The following MMP20 variants were observed in gnomAD, a reference collection of about 807,000 sequenced individuals.
MMP20 encodes matrix metallopeptidase 20.
Under a neutral mutation model 51.8 loss-of-function variants are expected in MMP20, and 50 were observed. The ratio of observed to expected loss-of-function variants is 0.97; its 90% CI spans 0.77 to 1.22. The LOEUF is 1.22. MMP20 is among the 50% of genes most tolerant of loss of function. The probability of loss-of-function intolerance (pLI) is 0.00; values close to 1 mark genes in which losing one functional copy is unlikely to be tolerated. For missense variants in MMP20, 663 were observed against 601.4 expected (o/e 1.10, Z -1.07); for synonymous variants, 244 against 216.2 (o/e 1.13, Z -1.13).
At chr11:102,587,011 A>AT in intron 8 of MMP20, among the ~76,000 whole-genome samples, 1 of 151,194 alleles carries the variant, frequency 6.6e-6, no homozygotes, top group African/African-American at 2.4e-5. Flanking sequence ...TATGTTCTTG[A>AT]TTTTCCATTA....
rs150684118 is a variant in MMP20 at position 102,582,698 on chromosome 11, A to G, written c.1248-3556T>C. On this transcript the variant is annotated intron_variant, in intron 8 of 9. Transcript: ENST00000260228. ...TCTGGGACAAATAATTTGTAACAAC[A>G]TAGAAAAATATGTATCCTATAGTAT... Among the ~76,000 whole-genome samples, 697 of 152,328 alleles carry G rather than the reference A, an allele frequency of 4.6e-3. 4 individuals are homozygous for G. The highest frequency in any genetic ancestry group is 0.016 in the African/African-American group (658 of 41,580).
rs1281510114 is a variant in MMP20, at chr11:102,609,990, A to G, written c.564T>C (p.Thr188=). 6.2e-7 allele frequency: 1 copy of G among 1,614,184 alleles called. No individual in the cohort carries two copies. The highest frequency in any genetic ancestry group is 1.7e-5 in the Admixed American group (1 of 60,016). ...DSYPFDGPRG[T]LAHAFAPGEG... Reference sequence around the variant, plus strand: ...CTCCAGGAGCAAATGCATGGGCTAGAGTCCCCCGAGGCCCATCGAATGGAT... The same window carrying G: ...CTCCAGGAGCAAATGCATGGGCTAGGGTCCCCCGAGGCCCATCGAATGGAT... The change falls in exon 4 of 10, where the codon ACT becomes ACC. Residue 188 remains threonine (T), a synonymous_variant. Transcript: ENST00000260228.
At chr11:102,616,290 C>G (rs1859669170) in intron 2 of MMP20, among the ~76,000 whole-genome samples, 1 of 152,150 alleles carries the variant, frequency 6.6e-6, no homozygotes, top group Non-Finnish European at 1.5e-5. Context: ...TATGCTTTTG[C>G]ACTTTTCACA....
intron 8 of MMP20, among the ~76,000 whole-genome samples, chr11:102,584,502 C>T (rs754798004): frequency 7.9e-5 from 12 of 152,060 alleles, no homozygotes; most frequent in Non-Finnish European, 1.0e-4. Context: ...ATTGAATAGT[C>T]GTTTATATAT....
At chr11:102,581,657 C>T (rs1323595320) in intron 8 of MMP20, among the ~76,000 whole-genome samples, 1 of 152,188 alleles carries the variant, frequency 6.6e-6, no homozygotes, top group Non-Finnish European at 1.5e-5. Context: ...TGAAATACAG[C>T]TTCAGATGGA....
intron 1 of MMP20, among the ~76,000 whole-genome samples, chr11:102,624,251 T>C (rs1457716923): frequency 6.6e-6 from 1 of 152,194 alleles, no homozygotes; most frequent in Non-Finnish European, 1.5e-5. Context: ...AGATGTGCTG[T>C]AATGTTGGCA....
chr11:102,616,235 G>C (rs1378651285), intron 2 of MMP20, among the ~76,000 whole-genome samples: 1 of 152,130 alleles, frequency 6.6e-6, no homozygotes, highest in Non-Finnish European at 1.5e-5. Context: ...CCACTTGGTA[G>C]CTCTGTCCAT....
chr11:102,594,591 A>G, intron 7 of MMP20, 30 bp downstream of exon 7: 8 of 1,612,750 alleles, frequency 5.0e-6, no homozygotes, highest in African/African-American at 1.3e-5. Flanking sequence ...CAGCCCTGCC[A>G]TTTCTTTCTT....
At position 102,594,731 on chromosome 11, in the gene MMP20, A is replaced by C; in HGVS notation, c.980T>G (p.Leu327Trp). The change falls in exon 7 of 10, where the codon TTG (leucine) becomes TGG (tryptophan). Residue 327 changes from leucine (L) to tryptophan (W), a missense_variant. By Grantham distance (61) the Leu-to-Trp change is moderately conservative. Transcript: ENST00000260228. The part of the protein sequence containing the change: ...DRIFWRRQVH[L>W]RTGIRPSTIT... Reference sequence around the variant, plus strand: ...AGTGCTGGGCCGAATTCCTGTCCGCAAGTGAACCTGCCGTCTCCAGAAAAT... The same window carrying C: ...AGTGCTGGGCCGAATTCCTGTCCGCCAGTGAACCTGCCGTCTCCAGAAAAT... The C allele has an allele frequency of 6.2e-7, 1 of 1,610,676 alleles. No individual in the cohort carries two copies.
chr11:102,585,834 A>T (rs1161755417), intron 8 of MMP20, among the ~76,000 whole-genome samples: 1 of 152,110 alleles, frequency 6.6e-6, no homozygotes, highest in Non-Finnish European at 1.5e-5. Flanking sequence ...AATAATGTTG[A>T]ATTTTGCCAA....
intron 9 of MMP20, among the ~76,000 whole-genome samples, 180 bp downstream of exon 9, chr11:102,578,859 G>T (rs1859159898): frequency 1.3e-5 from 2 of 152,038 alleles, no homozygotes; most frequent in Non-Finnish European, 2.9e-5. Context: ...TAAAATACCA[G>T]AACTTTTACA....
chr11:102,594,907 T>G (rs1447907805), intron 6 of MMP20, 150 bp from the exon 7 acceptor site: 2 of 816,318 alleles, frequency 2.5e-6, no homozygotes, highest in African/African-American at 6.6e-5. Flanking sequence ...TTTTCTCTTT[T>G]CTTTTTTTTT....
At chr11:102,578,485 G>C (rs539711200) in intron 9 of MMP20, among the ~76,000 whole-genome samples, 36 of 152,262 alleles carry the variant, frequency 2.4e-4, no homozygotes, top group African/African-American at 8.7e-4. Flanking sequence ...GACCCCGGTA[G>C]ACTTTATGAT....
At chr11:102,581,707 C>T (rs1297260719) in intron 8 of MMP20, among the ~76,000 whole-genome samples, 1 of 152,110 alleles carries the variant, frequency 6.6e-6, no homozygotes, top group African/African-American at 2.4e-5. Context: ...CATGTAACCC[C>T]TCAGAGACAC....
chr11:102,589,243 G>A (rs1859288362), intron 8 of MMP20, among the ~76,000 whole-genome samples: 1 of 152,092 alleles, frequency 6.6e-6, no homozygotes, highest in South Asian at 2.1e-4. Flanking sequence ...CTGCCTGGAA[G>A]CCACCCACCC....
chr11:102,590,604 A>G (rs370189517), intron 8 of MMP20, among the ~76,000 whole-genome samples: 3 of 152,346 alleles, frequency 2.0e-5, no homozygotes, highest in East Asian at 3.9e-4. Flanking sequence ...TTCCCTTGGC[A>G]CATTACTTAC....
chr11:102,624,417 T>C (rs1859791514), intron 1 of MMP20, among the ~76,000 whole-genome samples: 1 of 7,238 alleles, frequency 1.4e-4, no homozygotes, highest in Non-Finnish European at 4.1e-4. Context: ...TATATATATA[T>C]ATATATATAT....
rs1468349172 is a variant in MMP20, at chr11:102,602,112, G to A, written c.953+4423C>T. Among the ~76,000 whole-genome samples the A allele has an allele frequency of 6.9e-4, 60 of 87,004 alleles. No homozygotes were observed. The Admixed American group carries it at 7.7e-3, about 11-fold the overall frequency. 57.1% of individuals were successfully genotyped at this position (87,004 alleles called of 152,430 possible). Reference sequence around the variant, plus strand: ...TTACAGGCGCCCACCACCACGCCCGGCTAATTTTTTTTTTTTTTTTTTTTT... The same window carrying A: ...TTACAGGCGCCCACCACCACGCCCGACTAATTTTTTTTTTTTTTTTTTTTT... On this transcript the variant is annotated intron_variant, in intron 6 of 9. Coordinates refer to ENST00000260228, the MANE Select transcript of MMP20 (RefSeq NM_004771.4).
Position 102,592,110 on chromosome 11 carries a change from TG to T in MMP20, c.1247+1328del, listed in dbSNP as rs58739820. ...TTCTCTGAAAATTCACCAGGGGAATTGGATTTCTCAATACCTATCTTCCTGT... is the reference window on the plus strand; with the variant it reads ...TTCTCTGAAAATTCACCAGGGGAATTGATTTCTCAATACCTATCTTCCTGT... On this transcript the variant is annotated intron_variant, in intron 8 of 9. Transcript: ENST00000260228. Among the ~76,000 whole-genome samples, 597 of 152,342 alleles carry T rather than the reference TG, an allele frequency of 3.9e-3. 4 individuals carry two copies. Among genetic ancestry groups the T allele is most frequent in the Middle Eastern group, 6.8e-3 (2 of 294 alleles).
Sources: gnomAD v4.1 joint callset for allele counts (sites outside exome capture counted in the v4.1 genomes callset) on GRCh38, gnomAD v4.1.1 for gene constraint, MANE v1.5 for transcripts, NCBI Gene and HGNC (gene_info 2026-07-23, HGNC 2026-07-21) for gene names.